Variants in DAB1 observed in about 807,000 individuals in gnomAD.
DAB1 encodes the protein disabled homolog 1.
DAB1 carries 15 observed loss-of-function variants against 64.6 expected under a neutral mutation model. The ratio of observed to expected loss-of-function variants is 0.23; its 90% CI spans 0.16 to 0.36. The LOEUF is 0.36. DAB1 is among the 10% of genes least tolerant of loss of function. DAB1 has a pLI of 1.00. For synonymous variants in DAB1, 235 were observed against 251.9 expected, an observed-to-expected ratio of 0.93 and a Z score of 0.64; for missense variants, 596 against 706.7, an observed-to-expected ratio of 0.84 and a Z score of 1.78.
intron 3 of DAB1, among the ~76,000 whole-genome samples, chr1:57,140,431 C>A (rs541517720): frequency 6.0e-4 from 91 of 152,256 alleles, no homozygotes; most frequent in African/African-American, 2.1e-3. Flanking sequence ...AAACAGTGAT[C>A]TTTCTGATTC....
intron 5 of DAB1, among the ~76,000 whole-genome samples, chr1:57,973,785 T>G (rs1376585866): frequency 1.3e-5 from 2 of 152,122 alleles, no homozygotes; most frequent in Admixed American, 1.3e-4. Flanking sequence ...CATCATTTCT[T>G]TCCCAGACTT....
chr1:58,466,277 C>T lies in DAB1; in HGVS notation n.257+39783G>A, dbSNP rs564863007. ...GATTGTCTAAAACACTTCCCCCATC[C>T]CTCCCTCCCCTCCCTTGCTCCTTCA... On this transcript the variant is annotated intron_variant and non_coding_transcript_variant, in intron 3 of 20. Coordinates refer to the DAB1 transcript ENST00000485760. Among the ~76,000 whole-genome samples the T allele has an allele frequency of 2.6e-5, 4 of 152,244 alleles. No homozygotes were observed. The South Asian group carries it at 6.2e-4, about 24-fold the overall frequency.
At chr1:57,448,018 A>G (rs1009664303) in intron 7 of DAB1, among the ~76,000 whole-genome samples, 1 of 152,212 alleles carries the variant, frequency 6.6e-6, no homozygotes, top group Non-Finnish European at 1.5e-5. Flanking sequence ...AATTGTTCCT[A>G]TAACCCGTCC....
chr1:58,126,455 C>CTT (rs113023484), intron 5 of DAB1, among the ~76,000 whole-genome samples: 4,029 of 146,780 alleles, frequency 0.027, 184 homozygotes, highest in African/African-American at 0.095. Context: ...TTCTTTTTTT[C>CTT]TTTTTTTTTT....
chr1:58,203,890 G>A (rs1450580748), intron 4 of DAB1, among the ~76,000 whole-genome samples: 1 of 152,148 alleles, frequency 6.6e-6, no homozygotes, highest in African/African-American at 2.4e-5. Flanking sequence ...CCCAAAGCCT[G>A]GCATATAGTT....
intron 7 of DAB1, among the ~76,000 whole-genome samples, chr1:57,526,446 T>C (rs1357785): frequency 0.71 from 107,915 of 152,092 alleles, 38,443 homozygotes; most frequent in South Asian, 0.79. Flanking sequence ...TGGAAAATTA[T>C]GTCTTGAACT....
intron 4 of DAB1, among the ~76,000 whole-genome samples, chr1:57,083,999 T>C (rs1652815417): frequency 6.6e-6 from 1 of 152,206 alleles, no homozygotes; most frequent in Non-Finnish European, 1.5e-5. Context: ...GTTTAGTAAA[T>C]GGGAGTTGCT....
intron 7 of DAB1, among the ~76,000 whole-genome samples, chr1:57,623,563 G>C (rs1645887212): frequency 6.6e-6 from 1 of 152,150 alleles, no homozygotes; most frequent in African/African-American, 2.4e-5. Flanking sequence ...CTTAAAATAA[G>C]AGTATGAATG....
At chr1:57,669,468 C>G (rs927578046) in intron 6 of DAB1, among the ~76,000 whole-genome samples, 1 of 152,102 alleles carries the variant, frequency 6.6e-6, no homozygotes, top group Non-Finnish European at 1.5e-5. Context: ...ACATGGCCCC[C>G]CTGCCCGCCA....
At chr1:58,424,959 A>T (rs1644807630) in intron 3 of DAB1, among the ~76,000 whole-genome samples, 1 of 152,058 alleles carries the variant, frequency 6.6e-6, no homozygotes, top group South Asian at 2.1e-4. Context: ...AGGCAATCCT[A>T]TGTTTTCCAT....
At chr1:57,869,797 T>C (rs1266940668) in intron 1 of DAB1, among the ~76,000 whole-genome samples, 1 of 152,152 alleles carries the variant, frequency 6.6e-6, no homozygotes, top group East Asian at 1.9e-4. Flanking sequence ...GTTGGAGGTC[T>C]GTGCTGCAAA....
At chr1:57,209,332 A>T (rs1043998762) in intron 2 of DAB1, among the ~76,000 whole-genome samples, 1 of 152,196 alleles carries the variant, frequency 6.6e-6, no homozygotes. Flanking sequence ...AAACACACTG[A>T]TTTTTCTGCT....
intron 7 of DAB1, among the ~76,000 whole-genome samples, chr1:57,443,563 C>T (rs2184276): frequency 0.014 from 2,088 of 152,332 alleles, 44 homozygotes; most frequent in African/African-American, 0.045. Flanking sequence ...CCTACTCCAA[C>T]TCTGTTCCAG....
At chr1:57,771,756 C>T (rs1557471372) in intron 6 of DAB1, among the ~76,000 whole-genome samples, 2 of 152,096 alleles carry the variant, frequency 1.3e-5, no homozygotes, top group Admixed American at 6.6e-5. Context: ...CCCACTCCAA[C>T]TCCCAGCCCC....
At chr1:58,175,819 C>T (rs529433955) in intron 4 of DAB1, among the ~76,000 whole-genome samples, 15 of 152,270 alleles carry the variant, frequency 9.9e-5, no homozygotes, top group Admixed American at 2.0e-4. Flanking sequence ...TCCAAAGTCT[C>T]GGGTTATTAT....
intron 5 of DAB1, among the ~76,000 whole-genome samples, chr1:57,998,482 G>A (rs1306953433): frequency 6.8e-6 from 1 of 147,966 alleles, no homozygotes; most frequent in Non-Finnish European, 1.5e-5. Flanking sequence ...TCCTGCCCCA[G>A]CCTCTTGAGT....
At chr1:58,352,343 A>G (rs996456780) in intron 3 of DAB1, among the ~76,000 whole-genome samples, 3 of 152,142 alleles carry the variant, frequency 2.0e-5, no homozygotes, top group African/African-American at 7.2e-5. Context: ...GTGCAACTCA[A>G]CCTTCCTATT....
chr1:57,204,305 AG>A (rs772878550), intron 2 of DAB1, among the ~76,000 whole-genome samples: 5 of 152,152 alleles, frequency 3.3e-5, no homozygotes, highest in Non-Finnish European at 7.4e-5. Flanking sequence ...ATCTAAAAAA[AG>A]CACAGTTATT....
intron 6 of DAB1, among the ~76,000 whole-genome samples, chr1:57,772,912 T>C (rs1649624419): frequency 1.3e-5 from 2 of 152,022 alleles, no homozygotes; most frequent in African/African-American, 2.4e-5. Flanking sequence ...ATAAACCGAG[T>C]GACTGGTGTC....
Sources: gnomAD v4.1 joint callset for allele counts (sites outside exome capture counted in the v4.1 genomes callset) on GRCh38, gnomAD v4.1.1 for gene constraint, MANE v1.5 for transcripts, NCBI Gene and HGNC (gene_info 2026-07-23, HGNC 2026-07-21) for gene names.